The following FTCDNL1 variants were observed in gnomAD, a reference collection of about 807,000 sequenced individuals.
The protein encoded by FTCDNL1 is formiminotransferase N-terminal subdomain-containing protein.
A neutral mutation model predicts 5.9 loss-of-function variants in FTCDNL1; 11 were observed. That is an observed-to-expected ratio of 1.87 (90% CI 1.18 to 3.10). The LOEUF (loss-of-function observed/expected upper bound fraction) is 3.10. Ranked by LOEUF, FTCDNL1 falls within the 30% of genes most tolerant of loss-of-function variation. FTCDNL1 has a pLI of 0.00. For missense variants in FTCDNL1, 115 were observed against 65.5 expected, an observed-to-expected ratio of 1.76 and a Z score of -2.61; for synonymous variants, 58 against 24.8, an observed-to-expected ratio of 2.34 and a Z score of -3.99.
intron 1 of FTCDNL1, among the ~76,000 whole-genome samples, 196 bp downstream of exon 1, chr2:199,850,544 C>A (rs2076848914): frequency 6.6e-6 from 1 of 152,214 alleles, no homozygotes; most frequent in Non-Finnish European, 1.5e-5. Context: ...CAGTACCAGG[C>A]TCAGAAAGTG....
chr2:199,767,310 T>C (rs1200933663), intron 3 of FTCDNL1, among the ~76,000 whole-genome samples: 1 of 152,166 alleles, frequency 6.6e-6, no homozygotes, highest in African/African-American at 2.4e-5. Flanking sequence ...TGAAGCCAGA[T>C]CTTTTCATAA....
rs1700943035 is a variant in FTCDNL1, at chr2:199,809,962, G to A, written c.*2743C>T. Among the ~76,000 whole-genome samples the A allele has an allele frequency of 6.7e-6, 1 of 149,442 alleles. No individual in the cohort carries two copies. ...ACTTAGTATCTGATTTTATTTTGCT[G>A]ATAATATTTTTTTCCATAACAAAAG... On this transcript the variant is annotated 3_prime_UTR_variant, in exon 5 of 5. Coordinates refer to ENST00000420128, the MANE Select transcript of FTCDNL1 (RefSeq NM_001363886.2).
At chr2:199,823,337 C>T (rs562709895) in intron 3 of FTCDNL1, among the ~76,000 whole-genome samples, 55 of 152,280 alleles carry the variant, frequency 3.6e-4, no homozygotes, top group Middle Eastern at 3.4e-3. Flanking sequence ...TGACTTCCCC[C>T]CAAGAATCAT....
chr2:199,786,251 G>GTATATA (rs139819752), intron 3 of FTCDNL1, among the ~76,000 whole-genome samples: 8 of 146,590 alleles, frequency 5.5e-5, no homozygotes, highest in African/African-American at 2.0e-4. Context: ...CTCCAGCCCT[G>GTATATA]TATATATATA....
the FTCDNL1 span, among the ~76,000 whole-genome samples, chr2:199,713,458 C>T: frequency 2.0e-5 from 3 of 152,126 alleles, no homozygotes; most frequent in Non-Finnish European, 2.9e-5. Flanking sequence ...AATGAGAAGC[C>T]AGGCAGGGCA....
At chr2:199,746,238 A>T in the FTCDNL1 span, among the ~76,000 whole-genome samples, 2 of 152,178 alleles carry the variant, frequency 1.3e-5, no homozygotes, top group Non-Finnish European at 2.9e-5. Flanking sequence ...GTTGTGTCGT[A>T]CTAGAAACTC....
At chr2:199,680,230 C>G in the FTCDNL1 span, among the ~76,000 whole-genome samples, 1 of 152,102 alleles carries the variant, frequency 6.6e-6, no homozygotes, top group Non-Finnish European at 1.5e-5. Context: ...GAGTTTGTAA[C>G]CTCAATATAA....
At chr2:199,765,438 A>G (rs1367445568) in intron 3 of FTCDNL1, among the ~76,000 whole-genome samples, 1 of 150,802 alleles carries the variant, frequency 6.6e-6, no homozygotes, top group Non-Finnish European at 1.5e-5. Context: ...AATAATAGTA[A>G]TAATATGGAC....
intron 3 of FTCDNL1, among the ~76,000 whole-genome samples, chr2:199,779,355 C>T (rs1699244748): frequency 6.6e-6 from 1 of 152,212 alleles, no homozygotes; most frequent in African/African-American, 2.4e-5. Flanking sequence ...TGCCAGTTAC[C>T]TAGACCTGAC....
At chr2:199,838,608 G>T (rs912930838) in intron 3 of FTCDNL1, among the ~76,000 whole-genome samples, 5 of 152,174 alleles carry the variant, frequency 3.3e-5, no homozygotes, top group African/African-American at 1.2e-4. Context: ...ACAGACGCCT[G>T]ATAGAGGGCA....
intron 3 of FTCDNL1, among the ~76,000 whole-genome samples, chr2:199,775,851 A>C (rs1699033319): frequency 6.6e-6 from 1 of 151,542 alleles, no homozygotes; most frequent in Non-Finnish European, 1.5e-5. Context: ...TGAAATAAGG[A>C]TCATGTCTAG....
chr2:199,803,213 G>C (rs1016637330), intron 3 of FTCDNL1, among the ~76,000 whole-genome samples: 1 of 108,542 alleles, frequency 9.2e-6, no homozygotes, highest in Non-Finnish European at 2.1e-5. Context: ...AAAAAAAAAA[G>C]ACCTGGAAGA....
the FTCDNL1 span, among the ~76,000 whole-genome samples, chr2:199,721,673 C>T: frequency 6.6e-6 from 1 of 151,994 alleles, no homozygotes; most frequent in Non-Finnish European, 1.5e-5. Context: ...ATGGTATTTC[C>T]AGTTCTAGCT....
chr2:199,754,361 C>CGTCCAT, the FTCDNL1 span, among the ~76,000 whole-genome samples: 1 of 152,112 alleles, frequency 6.6e-6, no homozygotes, highest in Non-Finnish European at 1.5e-5. Context: ...CCTTTTTCCA[C>CGTCCAT]GTCCATGGGC....
intron 4 of FTCDNL1, among the ~76,000 whole-genome samples, chr2:199,813,973 C>T (rs557194421): frequency 2.0e-5 from 3 of 149,488 alleles, no homozygotes. Flanking sequence ...TGGTGAGTGC[C>T]AGGAACCATG....
the FTCDNL1 span, among the ~76,000 whole-genome samples, chr2:199,709,926 T>TCCCA: frequency 0.023 from 3,520 of 152,236 alleles, 144 homozygotes; most frequent in African/African-American, 0.079. Context: ...CATATATTTG[T>TCCCA]TAATCTCTTT....
chr2:199,685,232 T>C, the FTCDNL1 span, among the ~76,000 whole-genome samples: 1 of 152,116 alleles, frequency 6.6e-6, no homozygotes, highest in African/African-American at 2.4e-5. Flanking sequence ...AAACAGCACC[T>C]AAGAGACCTG....
At chr2:199,665,389 T>C in the FTCDNL1 span, among the ~76,000 whole-genome samples, 1 of 152,126 alleles carries the variant, frequency 6.6e-6, no homozygotes, top group East Asian at 1.9e-4. Context: ...ACCAGCATTT[T>C]GACAGGCCGA....
the FTCDNL1 span, among the ~76,000 whole-genome samples, chr2:199,697,459 G>T: frequency 6.6e-6 from 1 of 152,084 alleles, no homozygotes; most frequent in South Asian, 2.1e-4. Context: ...AGCCAGAAGA[G>T]GTTGGGGGTC....
Sources: gnomAD v4.1 joint callset for allele counts (sites outside exome capture counted in the v4.1 genomes callset) on GRCh38, gnomAD v4.1.1 for gene constraint, MANE v1.5 for transcripts, NCBI Gene and HGNC (gene_info 2026-07-23, HGNC 2026-07-21) for gene names.